Variants in ASPSCR1 observed in about 807,000 individuals in gnomAD.
The protein encoded by ASPSCR1 is ASPSCR1 tether for SLC2A4, UBX domain containing.
A neutral mutation model predicts 68.9 loss-of-function variants in ASPSCR1; 55 were observed. The observed-to-expected ratio is 0.80, with a 90% CI of 0.64 to 1.00. ASPSCR1 has a LOEUF of 1.00. ASPSCR1 is among the 50% of genes least tolerant of loss of function. The pLI, the probability that ASPSCR1 is intolerant of heterozygous loss-of-function variation, is 0.00. For synonymous variants in ASPSCR1, 352 were observed against 332.6 expected (o/e 1.06, Z -0.63); for missense variants, 765 against 762.2 (o/e 1.00, Z -0.04).
rs573483822 is a variant in ASPSCR1 at position 81,987,431 on chromosome 17, A to G, written c.374+1824A>G. Among the ~76,000 whole-genome samples the G allele has an allele frequency of 6.6e-6, 1 of 152,336 alleles. No individual in the cohort carries two copies. Among genetic ancestry groups the G allele is most frequent in the Admixed American group, 6.5e-5 (1 of 15,306 alleles). ...AGGAAAGATGAACGTCTGGAAGGAA[A>G]TGCCCCTGGGCCGGGCGGTGCCCCC... On this transcript the variant is annotated intron_variant, in intron 4 of 15. Transcript: ENST00000306739. This position sits in a 1 kb window ranked among gnomAD's most constrained non-coding sequence, Gnocchi z 5.6.
At chr17:82,011,939 G>A (rs2042961885) in intron 11 of ASPSCR1, 5 of 606,086 alleles carry the variant, frequency 8.2e-6, no homozygotes, top group Non-Finnish European at 1.5e-5. Flanking sequence ...TGGACAGGGA[G>A]TGGCTGGCCT....
chr17:82,000,302 G>A (rs894658806), intron 7 of ASPSCR1, among the ~76,000 whole-genome samples: 19 of 152,244 alleles, frequency 1.2e-4, no homozygotes, highest in Admixed American at 5.2e-4. Context: ...CTCGCCCGTC[G>A]GGAGGCGCTG....
In ASPSCR1 at chr17:82,017,024, G is replaced by A. The variant is rs1478584110; in HGVS notation, c.1559G>A (p.Gly520Glu). The change falls in exon 15 of 16, where the codon GGG (glycine) becomes GAG (glutamate). Residue 520 changes from glycine to glutamate, a missense_variant. Coordinates refer to ENST00000306739, the MANE Select transcript of ASPSCR1 (RefSeq NM_024083.4). Reference protein sequence around the residue: ...APKSEPAAEEGALVPPEPIPG... With the variant: ...APKSEPAAEEEALVPPEPIPG... ...AAGTCTGAGCCAGCTGCTGAGGAGG[G>A]GGCGCTGGTCCCCCCTGAGCCCATC... 1.2e-6 allele frequency: 2 copies of A among 1,612,366 alleles called. No homozygotes were observed. Among genetic ancestry groups the A allele is most frequent in the African/African-American group, 1.3e-5 (1 of 74,932 alleles).
At chr17:81,985,694 C>T (rs1256329000) in intron 4 of ASPSCR1, 87 bp downstream of exon 4, 21 of 1,347,762 alleles carry the variant, frequency 1.6e-5, no homozygotes, top group Non-Finnish European at 2.1e-5. Flanking sequence ...GAGCTGGACA[C>T]CCAAGCTCTG....
chr17:81,997,240 G>A (rs2042382262), intron 7 of ASPSCR1, among the ~76,000 whole-genome samples: 1 of 152,124 alleles, frequency 6.6e-6, no homozygotes, highest in African/African-American at 2.4e-5. Context: ...GTGCATGGAG[G>A]GCAGCAGCTC....
intron 3 of ASPSCR1, among the ~76,000 whole-genome samples, chr17:81,985,061 C>T (rs1368995303): frequency 5.2e-5 from 7 of 135,824 alleles, no homozygotes; most frequent in South Asian, 3.0e-4. Flanking sequence ...CACACACCCA[C>T]GCACACACCT....
chr17:81,983,799 C>T lies in ASPSCR1; in HGVS notation c.273+131C>T. 1.4e-6 allele frequency: 1 copy of T among 718,080 alleles called. No homozygotes were observed. Among genetic ancestry groups the T allele is most frequent in the Non-Finnish European group, 2.3e-6 (1 of 433,650 alleles). The allele number at this position is 718,080 out of a possible 1,614,324, so 44.5% of individuals were successfully genotyped here. ...AGTCTTAGCACCAGTTCTGCCTTCC[C>T]TGGGTTGGGCCCAAACAGCTTCCTG... On this transcript the variant is annotated intron_variant, in intron 3 of 15. Coordinates refer to ENST00000306739, the MANE Select transcript of ASPSCR1 (RefSeq NM_024083.4). The surrounding 1 kb of genome is among the most constrained non-coding windows in gnomAD (Gnocchi z 4.4).
chr17:82,001,256 C>G (rs1174144293), intron 7 of ASPSCR1, among the ~76,000 whole-genome samples: 3 of 152,148 alleles, frequency 2.0e-5, no homozygotes, highest in African/African-American at 7.2e-5. Context: ...TGACCCTGGG[C>G]AGTAGGTATT....
rs2041663819 is a variant in ASPSCR1, at chr17:81,977,984, G to A, written c.102+236G>A. 7.0e-6 allele frequency: 2 copies of A among 283,698 alleles called. No homozygotes were observed. Among genetic ancestry groups the A allele is most frequent in the African/African-American group, 4.5e-5 (2 of 44,816 alleles). The allele number at this position is 283,698 out of a possible 1,614,324, so 17.6% of individuals were successfully genotyped here. The stretch of plus-strand genomic sequence containing the variant: ...GGTGGCGAGCCTTCCCAGGGGTGAG[G>A]TAGAACGGCGCCGCGTGTCACCCGC... On this transcript the variant is annotated intron_variant, in intron 1 of 15. Coordinates refer to ENST00000306739, the MANE Select transcript of ASPSCR1 (RefSeq NM_024083.4). The surrounding 1 kb of genome is among the most constrained non-coding windows in gnomAD (Gnocchi z 5.0).
chr17:82,009,639 A>C, intron 9 of ASPSCR1, 72 bp downstream of exon 9: 1 of 1,074,948 alleles, frequency 9.3e-7, no homozygotes, highest in Non-Finnish European at 1.3e-6. Context: ...TGTGGACGGG[A>C]TGGGGCGACT....
intron 12 of ASPSCR1, chr17:82,015,605 T>C (rs1053347090): frequency 5.3e-6 from 3 of 570,354 alleles, no homozygotes; most frequent in Non-Finnish European, 9.3e-6. Context: ...GGGATGCAGA[T>C]GGGGCTGGCC....
At chr17:81,998,511 C>A (rs960203914) in intron 7 of ASPSCR1, among the ~76,000 whole-genome samples, 1 of 152,138 alleles carries the variant, frequency 6.6e-6, no homozygotes, top group African/African-American at 2.4e-5. Context: ...AATTACTAGT[C>A]ATTTCTCTGC....
Position 81,994,839 on chromosome 17 carries a change from C to T in ASPSCR1, c.393C>T (p.Pro131=), listed in dbSNP as rs370178683. 4.5e-5 allele frequency: 72 copies of T among 1,613,394 alleles called. No homozygotes were observed. Among genetic ancestry groups the T allele is most frequent in the South Asian group, 1.3e-4 (12 of 91,058 alleles). ...FPQIRECLQH[P]GGATPVCVYT... ...CTCCCAGGGAGTGCCTGCAGCACCCCGGCGGGGCCACCCCAGTCTGCGTGT... is the reference window on the plus strand; with the variant it reads ...CTCCCAGGGAGTGCCTGCAGCACCCTGGCGGGGCCACCCCAGTCTGCGTGT... The change falls in exon 5 of 16, where the codon CCC becomes CCT. Residue 131 remains proline (P), a synonymous_variant. Transcript: ENST00000306739.
At chr17:82,010,653 T>G in intron 9 of ASPSCR1, 149 bp from the exon 10 acceptor site, 1 of 766,480 alleles carries the variant, frequency 1.3e-6, no homozygotes, top group Non-Finnish European at 2.1e-6. Context: ...CACGGGGGAG[T>G]CAAAGCCCAG....
rs1244821577 is a variant in ASPSCR1 at position 81,983,726 on chromosome 17, A to C, written c.273+58A>C. ...GGGGCACAGGATCGTTCAGCTGGCCAGGGACGGGGGACGGGACAGTGGGGG... is the reference window on the plus strand; with the variant it reads ...GGGGCACAGGATCGTTCAGCTGGCCCGGGACGGGGGACGGGACAGTGGGGG... On this transcript the variant is annotated intron_variant, in intron 3 of 15. Coordinates refer to ENST00000306739, the MANE Select transcript of ASPSCR1 (RefSeq NM_024083.4). This position sits in a 1 kb window ranked among gnomAD's most constrained non-coding sequence, Gnocchi z 4.4. 20 of 1,381,402 alleles carry C rather than the reference A, an allele frequency of 1.4e-5. No individual in the cohort carries two copies. Among genetic ancestry groups the C allele is most frequent in the Non-Finnish European group, 2.0e-5 (20 of 995,164 alleles). The allele number at this position is 1,381,402 out of a possible 1,614,324, so 85.6% of individuals were successfully genotyped here.
intron 2 of ASPSCR1, among the ~76,000 whole-genome samples, chr17:81,980,341 C>T (rs2041757157): frequency 6.6e-6 from 1 of 152,212 alleles, no homozygotes; most frequent in African/African-American, 2.4e-5. Context: ...CAGGAGCTTG[C>T]CCTCCTGGCA....
chr17:82,009,476 C>G lies in ASPSCR1; in HGVS notation c.1089-10C>G, dbSNP rs2042837741. ...ACCAGAAGCCCTGTTCCTTCCCCTC[C>G]TCACCACAGGAAGCGCCTGGAAGAA... On this transcript the variant is annotated splice_polypyrimidine_tract_variant and intron_variant, in intron 8 of 15. Coordinates refer to ENST00000306739, the MANE Select transcript of ASPSCR1 (RefSeq NM_024083.4). 1 of 1,570,262 alleles carries G rather than the reference C, an allele frequency of 6.4e-7. No homozygotes were observed.
intron 12 of ASPSCR1, chr17:82,014,752 G>T: frequency 4.7e-6 from 2 of 423,156 alleles, no homozygotes; most frequent in Non-Finnish European, 4.3e-6. Flanking sequence ...CCCCGTGGGG[G>T]TTGACGTGGG....
Position 81,992,830 on chromosome 17 carries a change from T to C in ASPSCR1, c.375-1991T>C, listed in dbSNP as rs376855821. On this transcript the variant is annotated intron_variant, in intron 4 of 15. Coordinates refer to ENST00000306739, the MANE Select transcript of ASPSCR1 (RefSeq NM_024083.4). ...CTCTGTGGGACGGGAGCTTAGGGAG[T>C]GTGTCCCAGCCTGTGCGCAGAGGAC... Among the ~76,000 whole-genome samples the C allele has an allele frequency of 1.2e-3, 186 of 152,124 alleles. 2 individuals are homozygous for C. Among genetic ancestry groups the C allele is most frequent in the African/African-American group, 4.2e-3 (176 of 41,468 alleles).
Sources: allele counts gnomAD v4.1 joint callset (sites outside exome capture counted in the v4.1 genomes callset), GRCh38; gene constraint gnomAD v4.1.1; non-coding constraint Gnocchi (gnomAD v3.1); transcripts MANE v1.5; gene names NCBI Gene and HGNC (gene_info 2026-07-23, HGNC 2026-07-21).